Variants in DEPDC1B observed in about 807,000 individuals in gnomAD.
DEPDC1B encodes DEP domain containing 1B.
DEPDC1B carries 51 observed loss-of-function variants against 66.5 expected under a neutral mutation model. That is an observed-to-expected ratio of 0.77 (90% CI 0.61 to 0.97). DEPDC1B has a LOEUF of 0.97. Among genes scored for constraint, DEPDC1B ranks in the 50% least tolerant of loss-of-function variants. The probability of loss-of-function intolerance (pLI) is 0.00; values close to 1 mark genes in which losing one functional copy is unlikely to be tolerated. For synonymous variants in DEPDC1B, 226 were observed against 223.6 expected, an observed-to-expected ratio of 1.01 and a Z score of -0.10; for missense variants, 552 against 637.1, an observed-to-expected ratio of 0.87 and a Z score of 1.44.
At chr5:60,696,427 T>A (rs185902598) in intron 1 of DEPDC1B, among the ~76,000 whole-genome samples, 2 of 152,344 alleles carry the variant, frequency 1.3e-5, no homozygotes, top group African/African-American at 4.8e-5. Flanking sequence ...ATACTTTAGA[T>A]TTTTTAAAGC....
intron 7 of DEPDC1B, among the ~76,000 whole-genome samples, chr5:60,618,636 G>A (rs1473118411): frequency 3.3e-5 from 5 of 152,168 alleles, no homozygotes; most frequent in South Asian, 4.1e-4. Context: ...TGAAATTGAG[G>A]CAATAATTAA....
intron 7 of DEPDC1B, among the ~76,000 whole-genome samples, chr5:60,631,951 C>A (rs1179744590): frequency 6.6e-6 from 1 of 152,188 alleles, no homozygotes; most frequent in Non-Finnish European, 1.5e-5. Flanking sequence ...GGGAATCTCC[C>A]CATACACTAA....
In DEPDC1B at chr5:60,644,795, T is replaced by C. The variant is rs894791935; in HGVS notation, c.659A>G (p.Asn220Ser). ...TCCCTGCTTGCTAACACTATATACA[T>C]TATGGATGATGAACTTCGAATTGAC... is the stretch of plus-strand genomic sequence containing the variant. ...KLVNSKFIIH[N>S]VYSVSKQGVV... Residue 220 changes from asparagine (N) to serine (S), a missense_variant, in exon 5 of 11, where the codon AAT becomes AGT. Physicochemically the swap from Asn to Ser is conservative, Grantham distance 46. Transcript: ENST00000265036. The C allele has an allele frequency of 1.9e-6, 3 of 1,611,348 alleles. No individual in the cohort carries two copies. In the African/African-American group the frequency reaches 4.0e-5, roughly 22 times the overall value.
At chr5:60,659,363 C>T (rs374122259) in intron 2 of DEPDC1B, among the ~76,000 whole-genome samples, 1 of 152,184 alleles carries the variant, frequency 6.6e-6, no homozygotes, top group Non-Finnish European at 1.5e-5. Flanking sequence ...TCCTATACTT[C>T]CTTAGAATTG....
At chr5:60,684,453 A>G (rs566786799) in intron 2 of DEPDC1B, among the ~76,000 whole-genome samples, 1 of 152,316 alleles carries the variant, frequency 6.6e-6, no homozygotes, top group Admixed American at 6.5e-5. Context: ...TGTGTTTACA[A>G]CCAAATGATT....
At chr5:60,606,967 G>A (rs1380266686) in intron 7 of DEPDC1B, among the ~76,000 whole-genome samples, 4 of 152,110 alleles carry the variant, frequency 2.6e-5, no homozygotes, top group Non-Finnish European at 4.4e-5. Flanking sequence ...CATTGAATAA[G>A]TATTTACTGA....
Position 60,647,419 on chromosome 5 carries a change from G to T in DEPDC1B, c.429C>A (p.Ile143=), listed in dbSNP as rs749432115. Residue 143 remains isoleucine, a synonymous_variant, in exon 3 of 11, where the codon ATC becomes ATA. Coordinates refer to ENST00000265036, the MANE Select transcript of DEPDC1B (RefSeq NM_018369.3). The part of the protein sequence containing the change: ...DLPPGTSQEN[I]PVRPVVMNSE... ...TTACCATCACAACTGGCCTCACTGG[G>T]ATGTTCTCTTGTGAAGTGCCTGGTG... 4 of 1,609,950 alleles carry T rather than the reference G, an allele frequency of 2.5e-6. No homozygotes were observed. Among genetic ancestry groups the T allele is most frequent in the South Asian group, 2.2e-5 (2 of 90,302 alleles).
intron 2 of DEPDC1B, among the ~76,000 whole-genome samples, chr5:60,684,843 G>T (rs573658053): frequency 2.0e-5 from 3 of 152,140 alleles, no homozygotes; most frequent in African/African-American, 7.2e-5. Context: ...TCCAACAAGG[G>T]ACTAATATCC....
Position 60,605,684 on chromosome 5 carries a change from A to G in DEPDC1B, c.1065+6T>C. The G allele has an allele frequency of 6.2e-7, 1 of 1,609,722 alleles. No individual in the cohort carries two copies. The highest frequency in any genetic ancestry group is 8.5e-7 in the Non-Finnish European group (1 of 1,178,212). On this transcript the variant is annotated splice_donor_region_variant and intron_variant, in intron 8 of 10. Transcript: ENST00000265036. ...AAGTCATACCTGATGTTAAAAATCAACCTACCAGTGTTCGGGTACCAAAGC... is the reference window on the plus strand; with the variant it reads ...AAGTCATACCTGATGTTAAAAATCAGCCTACCAGTGTTCGGGTACCAAAGC...
intron 1 of DEPDC1B, 124 bp from the exon 2 acceptor site, chr5:60,687,351 C>T: frequency 8.2e-7 from 1 of 1,212,788 alleles, no homozygotes; most frequent in Admixed American, 2.5e-5. Flanking sequence ...CAGGTAGAGC[C>T]TTGAAAATGT....
chr5:60,680,711 TGAA>T (rs1754278684), intron 2 of DEPDC1B, among the ~76,000 whole-genome samples: 1 of 152,262 alleles, frequency 6.6e-6, no homozygotes, highest in Non-Finnish European at 1.5e-5. Flanking sequence ...AAGAACTTCT[TGAA>T]GAAGACAGTT....
chr5:60,617,444 T>A (rs114883796), intron 7 of DEPDC1B, among the ~76,000 whole-genome samples: 1 of 152,036 alleles, frequency 6.6e-6, no homozygotes, highest in African/African-American at 2.4e-5. Context: ...TGGAGGAAGA[T>A]CTGCGAAGCA....
At chr5:60,612,012 G>C (rs1366657347) in intron 7 of DEPDC1B, among the ~76,000 whole-genome samples, 1 of 152,172 alleles carries the variant, frequency 6.6e-6, no homozygotes, top group Non-Finnish European at 1.5e-5. Context: ...GTCGATATTT[G>C]GCTTCAAAGC....
At chr5:60,602,587 C>T (rs1752222109) in intron 9 of DEPDC1B, among the ~76,000 whole-genome samples, 1 of 152,036 alleles carries the variant, frequency 6.6e-6, no homozygotes, top group African/African-American at 2.4e-5. Context: ...ACATACAAAC[C>T]CCACTTTGGG....
At chr5:60,665,122 G>C (rs1251897178) in intron 2 of DEPDC1B, among the ~76,000 whole-genome samples, 1 of 152,108 alleles carries the variant, frequency 6.6e-6, no homozygotes, top group African/African-American at 2.4e-5. Flanking sequence ...CCAAACCCCA[G>C]TACTCAGCAG....
chr5:60,610,918 A>G (rs1752402686), intron 7 of DEPDC1B, among the ~76,000 whole-genome samples: 1 of 152,206 alleles, frequency 6.6e-6, no homozygotes, highest in Admixed American at 6.5e-5. Flanking sequence ...TTGCCATTTG[A>G]TAGTTGGCTC....
rs150596630 is a variant in DEPDC1B at position 60,618,907 on chromosome 5, G to A, written c.899-13051C>T. The stretch of plus-strand genomic sequence containing the variant: ...ATCCTCAATAAAGTACTGGCAAACC[G>A]AATCCAGCAGCACATCAAAAAGCTG... On this transcript the variant is annotated intron_variant, in intron 7 of 10. Coordinates refer to ENST00000265036, the MANE Select transcript of DEPDC1B (RefSeq NM_018369.3). 7.9e-3 allele frequency among the ~76,000 whole-genome samples: 1,202 copies of A among 152,240 alleles called. 12 individuals carry two copies. The highest frequency in any genetic ancestry group is 0.014 in the Middle Eastern group (4 of 294).
At chr5:60,613,322 T>C (rs1002067558) in intron 7 of DEPDC1B, among the ~76,000 whole-genome samples, 3 of 152,220 alleles carry the variant, frequency 2.0e-5, no homozygotes, top group Non-Finnish European at 4.4e-5. Flanking sequence ...AGGAAGATGA[T>C]GATAGCAGCT....
At chr5:60,624,320 T>C (rs916882535) in intron 7 of DEPDC1B, among the ~76,000 whole-genome samples, 1 of 152,194 alleles carries the variant, frequency 6.6e-6, no homozygotes, top group Non-Finnish European at 1.5e-5. Context: ...GTTAAACCAG[T>C]CTTACCTTGC....
Sources: gnomAD v4.1 joint callset for allele counts (sites outside exome capture counted in the v4.1 genomes callset) on GRCh38, gnomAD v4.1.1 for gene constraint, MANE v1.5 for transcripts, NCBI Gene and HGNC (gene_info 2026-07-23, HGNC 2026-07-21) for gene names.